SEC14L5: variants seen among roughly 807,000 people sequenced by gnomAD.
SEC14L5 encodes SEC14-like protein 5.
In SEC14L5, 96 loss-of-function variants were observed where a neutral mutation model predicts 84.6. The ratio of observed to expected loss-of-function variants is 1.13; its 90% CI spans 0.96 to 1.34. The LOEUF is 1.34. SEC14L5 is among the 40% of genes most tolerant of loss of function. The pLI, the probability that SEC14L5 is intolerant of heterozygous loss-of-function variation, is 0.00. For missense variants in SEC14L5, 1,224 were observed against 942.5 expected (o/e 1.30, Z -3.91); for synonymous variants, 546 against 383.4 (o/e 1.42, Z -4.95).
At chr16:4,960,912 C>T (rs8049697) in intron 2 of SEC14L5, among the ~76,000 whole-genome samples, 88,190 of 151,994 alleles carry the variant, frequency 0.58, 26,613 homozygotes, top group East Asian at 0.79. Flanking sequence ...GATCCAGGGA[C>T]GTGAATTCAG....
At position 4,986,757 on chromosome 16, in the gene SEC14L5, G is replaced by A. The variant is rs537538246; in HGVS notation, c.64-800G>A. ...TATACATTTTACACTTCTTTTTGTT[G>A]AATATATTCCTAAGTATTTTATTCT... On this transcript the variant is annotated intron_variant, in intron 2 of 15. Coordinates refer to ENST00000251170, the MANE Select transcript of SEC14L5 (RefSeq NM_014692.2). Among the ~76,000 whole-genome samples, 306 of 152,062 alleles carry A rather than the reference G, an allele frequency of 2.0e-3. 2 individuals are homozygous for A. Among genetic ancestry groups the A allele is most frequent in the African/African-American group, 6.7e-3 (279 of 41,482 alleles).
chr16:4,998,841 G>A (rs1195949342), intron 8 of SEC14L5, among the ~76,000 whole-genome samples: 1 of 150,958 alleles, frequency 6.6e-6, no homozygotes, highest in African/African-American at 2.4e-5. Flanking sequence ...TTCTCTTAAC[G>A]ATCAATCTTC....
Position 4,962,165 on chromosome 16 carries a change from CAA to C in SEC14L5, c.63+2795_63+2796del, listed in dbSNP as rs540573784. Among the ~76,000 whole-genome samples the C allele has an allele frequency of 2.7e-3, 196 of 72,934 alleles. 1 individual carries two copies. Among genetic ancestry groups the C allele is most frequent in the Non-Finnish European group, 3.4e-3 (125 of 37,184 alleles). 47.8% of individuals were successfully genotyped at this position (72,934 alleles called of 152,430 possible). A position where few individuals can be genotyped will look rare whatever the true frequency, so the allele number is the denominator to read the frequency against. On this transcript the variant is annotated intron_variant, in intron 2 of 15. Transcript: ENST00000251170. ...TGGGCAACAGAGCGAGACTCTGTCT[CAA>C]AAAAAAAAAAAAAAAGAAAAAGAAA...
intron 2 of SEC14L5, 140 bp from the exon 3 acceptor site, chr16:4,987,417 C>A: frequency 1.5e-6 from 1 of 647,978 alleles, no homozygotes; most frequent in Non-Finnish European, 2.5e-6. Context: ...TTGGTAATGA[C>A]GGCAAAATCC....
intron 6 of SEC14L5, 68 bp from the exon 7 acceptor site, chr16:4,996,280 A>ACACAGAC: frequency 1.0e-6 from 1 of 968,756 alleles, no homozygotes; most frequent in Non-Finnish European, 1.6e-6. Context: ...AAGGAATGGC[A>ACACAGAC]CACAGACCAC....
intron 8 of SEC14L5, 122 bp downstream of exon 8, chr16:4,997,166 T>C: frequency 1.6e-6 from 1 of 637,866 alleles, no homozygotes; most frequent in Middle Eastern, 4.5e-4. Context: ...TGGTGCCATC[T>C]CGGCTCACCA....
intron 2 of SEC14L5, among the ~76,000 whole-genome samples, chr16:4,983,660 C>G (rs999776399): frequency 1.3e-5 from 2 of 151,496 alleles, no homozygotes; most frequent in Admixed American, 1.3e-4. Flanking sequence ...ACGGATCACC[C>G]GAAGTCAGGA....
Position 5,014,972 on chromosome 16 carries a change from C to G in SEC14L5, c.*2C>G. On this transcript the variant is annotated 3_prime_UTR_variant, in exon 16 of 16. Coordinates refer to ENST00000251170, the MANE Select transcript of SEC14L5 (RefSeq NM_014692.2). ...AGCAGCTCCCTGGTCTCCAGATAGCCGGGCCCAGTGTTTCAGGGCCGCCCG... is the reference window on the plus strand; with the variant it reads ...AGCAGCTCCCTGGTCTCCAGATAGCGGGGCCCAGTGTTTCAGGGCCGCCCG... 1.9e-6 allele frequency: 3 copies of G among 1,606,736 alleles called. No individual in the cohort carries two copies. The highest frequency in any genetic ancestry group is 2.5e-6 in the Non-Finnish European group (3 of 1,177,446).
chr16:4,995,101 G>A (rs1053107850), intron 6 of SEC14L5, among the ~76,000 whole-genome samples: 1 of 152,154 alleles, frequency 6.6e-6, no homozygotes, highest in East Asian at 1.9e-4. Context: ...CAGTTGGCGT[G>A]ACCCCCCACT....
Position 5,007,420 on chromosome 16 carries a change from G to C in SEC14L5, c.1506G>C (p.Thr502=), listed in dbSNP as rs139013540. ...TGACAGAAGAGGAGCAGGAGCACACGGACCAGCTGTGGCAGTGGAGTGAGA... is the reference window on the plus strand; with the variant it reads ...TGACAGAAGAGGAGCAGGAGCACACCGACCAGCTGTGGCAGTGGAGTGAGA... ...LYMTEEEQEH[T]DQLWQWSETY... is the part of the protein sequence containing the mutation. The change falls in exon 13 of 16, where the codon ACG becomes ACC. Residue 502 remains threonine (T), a synonymous_variant. Transcript: ENST00000251170. The C allele has an allele frequency of 3.3e-4, 531 of 1,613,838 alleles. 4 individuals carry two copies. In the African/African-American group the frequency reaches 4.5e-3, roughly 14 times the overall value.
chr16:4,986,198 G>A (rs966221308), intron 2 of SEC14L5, among the ~76,000 whole-genome samples: 1 of 150,914 alleles, frequency 6.6e-6, no homozygotes, highest in Admixed American at 6.6e-5. Flanking sequence ...GGAGTGCAAT[G>A]GTGTGATTTC....
chr16:4,969,935 A>T (rs2142480214), intron 2 of SEC14L5, among the ~76,000 whole-genome samples: 1 of 151,226 alleles, frequency 6.6e-6, no homozygotes, highest in Non-Finnish European at 1.5e-5. Context: ...GTCCCACCTC[A>T]GCCTCCCAAG....
rs536990747 is a variant in SEC14L5 at position 5,013,758 on chromosome 16, A to G, written c.1980-1101A>G. Among the ~76,000 whole-genome samples the G allele has an allele frequency of 2.2e-4, 33 of 151,944 alleles. No individual in the cohort carries two copies. In the South Asian group the frequency reaches 6.9e-3, roughly 32 times the overall value. On this transcript the variant is annotated intron_variant, in intron 15 of 15. Transcript: ENST00000251170. ...ATTTTTAGTGGAGACAGGTTTCGCC[A>G]TGTTAGCCAGGCTGGTGTCGAACTC...
intron 2 of SEC14L5, among the ~76,000 whole-genome samples, chr16:4,966,529 C>G (rs1216882439): frequency 6.6e-6 from 1 of 152,120 alleles, no homozygotes; most frequent in Non-Finnish European, 1.5e-5. Flanking sequence ...CCGACTTAGC[C>G]TCCCAAAATG....
chr16:4,980,871 C>T (rs918937111), intron 2 of SEC14L5, among the ~76,000 whole-genome samples: 1 of 152,158 alleles, frequency 6.6e-6, no homozygotes, highest in Non-Finnish European at 1.5e-5. Context: ...AGCCCCATGT[C>T]TCATGCCTCC....
At chr16:4,976,190 C>G (rs1955336565) in intron 2 of SEC14L5, among the ~76,000 whole-genome samples, 1 of 152,224 alleles carries the variant, frequency 6.6e-6, no homozygotes. Flanking sequence ...ATTCTTCTGA[C>G]AAGTAGCAAG....
rs1171965082 is a variant in SEC14L5 at position 5,018,726 on chromosome 16, G to A, written c.*3756G>A. The A allele has an allele frequency of 6.6e-6, 1 of 152,184 alleles. No homozygotes were observed. Among genetic ancestry groups the A allele is most frequent in the Non-Finnish European group, 1.5e-5 (1 of 68,050 alleles). The allele number at this position is 152,184 out of a possible 1,614,324, so 9.4% of individuals were successfully genotyped here. A position where few individuals can be genotyped will look rare whatever the true frequency, so the allele number is the denominator to read the frequency against. On this transcript the variant is annotated 3_prime_UTR_variant, in exon 16 of 16. Coordinates refer to ENST00000251170, the MANE Select transcript of SEC14L5 (RefSeq NM_014692.2). ...CCACCCATCTGAGGGAGTGTATTCTGAGTGGTATTTCCCTTGGCAGTTAGA... is the reference window on the plus strand; with the variant it reads ...CCACCCATCTGAGGGAGTGTATTCTAAGTGGTATTTCCCTTGGCAGTTAGA...
intron 2 of SEC14L5, among the ~76,000 whole-genome samples, chr16:4,981,906 C>T (rs536088923): frequency 2.0e-4 from 30 of 152,296 alleles, no homozygotes; most frequent in Non-Finnish European, 2.5e-4. Context: ...CTCTGTCCTC[C>T]GTGGGGAGAT....
intron 10 of SEC14L5, among the ~76,000 whole-genome samples, 179 bp downstream of exon 10, chr16:5,001,104 A>G (rs1358038286): frequency 2.0e-5 from 3 of 152,044 alleles, no homozygotes; most frequent in Non-Finnish European, 4.4e-5. Context: ...TTTTCTATGC[A>G]TGGGGAAACT....
Sources: allele counts gnomAD v4.1 joint callset (sites outside exome capture counted in the v4.1 genomes callset), GRCh38; gene constraint gnomAD v4.1.1; transcripts MANE v1.5; gene names NCBI Gene and HGNC (gene_info 2026-07-23, HGNC 2026-07-21).